Variants in COX10 observed in about 807,000 individuals in gnomAD.
COX10 encodes the protein cytochrome c oxidase assembly factor heme A:farnesyltransferase COX10, also known as protoheme IX farnesyltransferase, mitochondrial.
Under a neutral mutation model 37.3 loss-of-function variants are expected in COX10, and 27 were observed. That is an observed-to-expected ratio of 0.72 (90% CI 0.53 to 1.00). COX10 has a LOEUF of 1.00. Among genes scored for constraint, COX10 ranks in the 50% least tolerant of loss-of-function variants. The pLI, the probability that COX10 is intolerant of heterozygous loss-of-function variation, is 0.00. For synonymous variants in COX10, 222 were observed against 229.1 expected (o/e 0.97, Z 0.28); for missense variants, 475 against 563.2 (o/e 0.84, Z 1.59).
intron 3 of COX10, among the ~76,000 whole-genome samples, chr17:14,093,105 A>C (rs543347395): frequency 1.3e-5 from 2 of 152,346 alleles, no homozygotes; most frequent in African/African-American, 4.8e-5. Context: ...AAGGATAATG[A>C]GATATAATAG....
chr17:14,113,263 G>A (rs575087726), intron 4 of COX10, among the ~76,000 whole-genome samples: 1 of 152,062 alleles, frequency 6.6e-6, no homozygotes, highest in Admixed American at 6.6e-5. Flanking sequence ...CCAAAAATCA[G>A]CCCATGCATT....
At chr17:14,090,331 T>A (rs1234869347) in intron 3 of COX10, among the ~76,000 whole-genome samples, 1 of 152,124 alleles carries the variant, frequency 6.6e-6, no homozygotes, top group Non-Finnish European at 1.5e-5. Context: ...GATAAATGAA[T>A]TTTAAAAGAA....
chr17:14,129,475 A>G (rs938608848), intron 4 of COX10, among the ~76,000 whole-genome samples: 2 of 152,194 alleles, frequency 1.3e-5, no homozygotes, highest in African/African-American at 4.8e-5. Context: ...TGTCTGAATC[A>G]GTTAAAACTT....
chr17:14,125,910 C>T (rs1916332491), intron 4 of COX10, among the ~76,000 whole-genome samples: 1 of 152,156 alleles, frequency 6.6e-6, no homozygotes, highest in Non-Finnish European at 1.5e-5. Flanking sequence ...TGTACCACCG[C>T]AGCTAACTCT....
At chr17:14,089,357 T>C (rs1915476208) in intron 3 of COX10, among the ~76,000 whole-genome samples, 8 of 152,268 alleles carry the variant, frequency 5.3e-5, no homozygotes, top group Admixed American at 5.2e-4. Context: ...TTAGTGGTTG[T>C]GGATGTGTAC....
intron 6 of COX10, among the ~76,000 whole-genome samples, chr17:14,195,767 G>A (rs2142265648): frequency 6.6e-6 from 1 of 152,276 alleles, no homozygotes; most frequent in East Asian, 1.9e-4. Flanking sequence ...CAGTGGGCTG[G>A]GGTGGGGTCT....
At chr17:14,192,257 C>G in intron 6 of COX10, 36 bp downstream of exon 6, 2 of 1,614,044 alleles carry the variant, frequency 1.2e-6, no homozygotes, top group Non-Finnish European at 1.7e-6. Flanking sequence ...CATATGAGCA[C>G]ACTCGGTCAA....
At chr17:14,124,963 T>C (rs1916303219) in intron 4 of COX10, among the ~76,000 whole-genome samples, 2 of 152,324 alleles carry the variant, frequency 1.3e-5, no homozygotes, top group East Asian at 3.9e-4. Flanking sequence ...TTTTTTCTAT[T>C]GCTTTACTAG....
intron 5 of COX10, among the ~76,000 whole-genome samples, chr17:14,187,986 A>T (rs536315405): frequency 3.3e-5 from 5 of 152,162 alleles, no homozygotes; most frequent in Non-Finnish European, 7.4e-5. Flanking sequence ...AAAATGGCCT[A>T]TCTCAATAAA....
At chr17:14,071,417 G>T (rs1055624195) in intron 1 of COX10, among the ~76,000 whole-genome samples, 11 of 152,110 alleles carry the variant, frequency 7.2e-5, no homozygotes, top group Non-Finnish European at 7.4e-5. Flanking sequence ...CTAGTAAGTG[G>T]TCTGTATAAC....
At chr17:14,164,321 TA>T (rs1905231976) in intron 5 of COX10, among the ~76,000 whole-genome samples, 1 of 152,194 alleles carries the variant, frequency 6.6e-6, no homozygotes, top group Non-Finnish European at 1.5e-5. Context: ...TCTTTATGAA[TA>T]AGGTTTGTCT....
intron 6 of COX10, among the ~76,000 whole-genome samples, chr17:14,203,066 C>T (rs1906593200): frequency 1.3e-5 from 2 of 152,150 alleles, no homozygotes; most frequent in Admixed American, 1.3e-4. Context: ...TCCCTCTAGA[C>T]TTTAAGCAGG....
chr17:14,137,887 G>C (rs1432838747), intron 4 of COX10, among the ~76,000 whole-genome samples: 1 of 150,748 alleles, frequency 6.6e-6, no homozygotes, highest in Admixed American at 6.6e-5. Context: ...TATTCAGATA[G>C]AGTTTTGTGA....
At chr17:14,121,752 C>T (rs924632427) in intron 4 of COX10, among the ~76,000 whole-genome samples, 1 of 151,942 alleles carries the variant, frequency 6.6e-6, no homozygotes, top group Admixed American at 6.6e-5. Context: ...TATAGAATAT[C>T]ATAGAAAAAA....
At chr17:14,125,695 C>T (rs1916328593) in intron 4 of COX10, among the ~76,000 whole-genome samples, 1 of 152,056 alleles carries the variant, frequency 6.6e-6, no homozygotes, top group African/African-American at 2.4e-5. Flanking sequence ...AGATGGCATC[C>T]AATTCACTTT....
chr17:14,202,039 C>G (rs77069398), intron 6 of COX10, among the ~76,000 whole-genome samples: 2,958 of 151,886 alleles, frequency 0.019, 46 homozygotes, highest in Non-Finnish European at 0.031. Context: ...GTACTCACTG[C>G]CAAGAAAAAA....
chr17:14,127,966 GT>G, intron 4 of COX10, among the ~76,000 whole-genome samples: 1 of 129,582 alleles, frequency 7.7e-6, no homozygotes, highest in South Asian at 2.6e-4. Flanking sequence ...TGTGTGTGTG[GT>G]TTTTAAATTA....
intron 6 of COX10, among the ~76,000 whole-genome samples, chr17:14,200,806 G>A (rs751632079): frequency 6.6e-6 from 1 of 152,236 alleles, no homozygotes; most frequent in Non-Finnish European, 1.5e-5. Context: ...AAAATGGGAA[G>A]ATACAGTTAA....
chr17:14,069,507 A>G lies in COX10; in HGVS notation c.-99A>G. ...CCGCCGGAAGTGGCGGCCCGGAACT[A>G]CTCCCACAGGGGGGCGGGGAAGGAA... On this transcript the variant is annotated 5_prime_UTR_variant, in exon 1 of 7. Transcript: ENST00000261643. 2.8e-6 allele frequency: 4 copies of G among 1,441,088 alleles called. No homozygotes were observed. Among genetic ancestry groups the G allele is most frequent in the Non-Finnish European group, 3.9e-6 (4 of 1,034,546 alleles). 89.3% of individuals were successfully genotyped at this position (1,441,088 alleles called of 1,614,324 possible).
Sources: gnomAD v4.1 joint callset for allele counts (sites outside exome capture counted in the v4.1 genomes callset) on GRCh38, gnomAD v4.1.1 for gene constraint, MANE v1.5 for transcripts, NCBI Gene and HGNC (gene_info 2026-07-23, HGNC 2026-07-21) for gene names.